The following PLEKHH2 variants were observed in gnomAD, a reference collection of about 807,000 sequenced individuals.
The protein encoded by PLEKHH2 is pleckstrin homology, MyTH4 and FERM domain containing H2.
A neutral mutation model predicts 187.9 loss-of-function variants in PLEKHH2; 129 were observed. The ratio of observed to expected loss-of-function variants is 0.69; its 90% CI spans 0.59 to 0.79. PLEKHH2 has a LOEUF of 0.79. Among genes scored for constraint, PLEKHH2 ranks in the 30% least tolerant of loss-of-function variants. The pLI is 0.00. For synonymous variants in PLEKHH2, 686 were observed against 605.6 expected (o/e 1.13, Z -1.95); for missense variants, 2,076 against 1,751.2 (o/e 1.19, Z -3.31).
chr2:43,648,019 A>G (rs1666266610), intron 2 of PLEKHH2, among the ~76,000 whole-genome samples: 1 of 152,234 alleles, frequency 6.6e-6, no homozygotes, highest in African/African-American at 2.4e-5. Context: ...GAGAATTAAC[A>G]TTAAGGCTGA....
At position 43,676,293 on chromosome 2, in the gene PLEKHH2, A is replaced by C. The variant is rs201476048; in HGVS notation, c.124-2570A>C. 1.9e-4 allele frequency: 306 copies of C among 1,611,608 alleles called. No individual in the cohort carries two copies. Among genetic ancestry groups the C allele is most frequent in the Non-Finnish European group, 2.4e-4 (285 of 1,178,980 alleles). The stretch of plus-strand genomic sequence containing the variant: ...AAATGCTCCCAAGCAACATACCCTT[A>C]AAAAATGATGTCCCACTAGCGGAAA... On this transcript the variant is annotated intron_variant, in intron 2 of 29. Transcript: ENST00000282406.
chr2:43,641,183 G>T (rs577186993), intron 1 of PLEKHH2, among the ~76,000 whole-genome samples: 1 of 151,986 alleles, frequency 6.6e-6, no homozygotes, highest in Non-Finnish European at 1.5e-5. Context: ...TGAGATACAT[G>T]ATTTGCAACT....
intron 2 of PLEKHH2, among the ~76,000 whole-genome samples, chr2:43,669,905 G>A (rs11124948): frequency 0.48 from 72,983 of 151,876 alleles, 18,162 homozygotes; most frequent in African/African-American, 0.53. Context: ...AGATAAGTAA[G>A]GAAGATACAA....
In PLEKHH2 at chr2:43,765,436, C is replaced by T. The variant is rs10495905; in HGVS notation, c.4320C>T (p.Ile1440=). The change falls in exon 30 of 30, where the codon ATC becomes ATT. Residue 1440 remains isoleucine (I), a synonymous_variant. Coordinates refer to ENST00000282406, the MANE Select transcript of PLEKHH2 (RefSeq NM_172069.4). The part of the protein sequence containing the change: ...KPKILEITLL[I]ASYINNFHQQ... ...AGATTCTTGAAATCACTCTTTTGAT[C>T]GCCAGTTACATAAACAACTTCCATC... The T allele has an allele frequency of 9.3e-6, 15 of 1,613,868 alleles. No homozygotes were observed. Among genetic ancestry groups the T allele is most frequent in the East Asian group, 2.2e-5 (1 of 44,878 alleles).
intron 14 of PLEKHH2, 135 bp from the exon 15 acceptor site, chr2:43,712,090 T>C (rs1233558401): frequency 7.5e-7 from 1 of 1,327,012 alleles, no homozygotes; most frequent in Non-Finnish European, 1.0e-6. Context: ...GAGTCATTTA[T>C]TTAGAAACTG....
At chr2:43,756,110 G>T (rs1289939799) in intron 25 of PLEKHH2, among the ~76,000 whole-genome samples, 3 of 152,052 alleles carry the variant, frequency 2.0e-5, no homozygotes, top group Non-Finnish European at 2.9e-5. Context: ...AGTATAAATT[G>T]TGGTTCCGAA....
Position 43,729,788 on chromosome 2 carries a change from A to G in PLEKHH2, c.2830+43A>G, listed in dbSNP as rs755766276. ...TAAATAAAGCTTTATGGTTAATGAA[A>G]TGGACCTCAACCCGCTTAGCCTAAT... On this transcript the variant is annotated intron_variant, in intron 18 of 29. Coordinates refer to ENST00000282406, the MANE Select transcript of PLEKHH2 (RefSeq NM_172069.4). 5 of 1,373,206 alleles carry G rather than the reference A, an allele frequency of 3.6e-6. No homozygotes were observed. In the Admixed American group the frequency reaches 9.3e-5, roughly 25 times the overall value. The allele number at this position is 1,373,206 out of a possible 1,614,324, so 85.1% of individuals were successfully genotyped here. A position where few individuals can be genotyped will look rare whatever the true frequency, so the allele number is the denominator to read the frequency against.
At chr2:43,714,860 T>C (rs1670137677) in intron 15 of PLEKHH2, among the ~76,000 whole-genome samples, 1 of 152,194 alleles carries the variant, frequency 6.6e-6, no homozygotes, top group African/African-American at 2.4e-5. Flanking sequence ...ATTATTGAGA[T>C]GTGTCAGTAA....
rs191487417 is a variant in PLEKHH2 at position 43,746,339 on chromosome 2, G to C, written c.3653+376G>C. On this transcript the variant is annotated intron_variant, in intron 24 of 29. Coordinates refer to ENST00000282406, the MANE Select transcript of PLEKHH2 (RefSeq NM_172069.4). ...TTGGGAGCCAACATGGCAAAACCCC[G>C]CCTCTACTAAAAATACAAAAAATTA... 2.9e-3 allele frequency among the ~76,000 whole-genome samples: 437 copies of C among 152,090 alleles called. 3 individuals carry two copies. The highest frequency in any genetic ancestry group is 9.9e-3 in the African/African-American group (411 of 41,498).
intron 15 of PLEKHH2, among the ~76,000 whole-genome samples, chr2:43,713,830 CTA>C (rs1670085170): frequency 6.6e-6 from 1 of 152,044 alleles, no homozygotes; most frequent in Admixed American, 6.6e-5. Flanking sequence ...TGGAAAGTAA[CTA>C]TGCTACTGTG....
intron 8 of PLEKHH2, among the ~76,000 whole-genome samples, chr2:43,701,004 A>C (rs925223333): frequency 6.6e-6 from 1 of 152,140 alleles, no homozygotes; most frequent in African/African-American, 2.4e-5. Flanking sequence ...TTTAGGATAA[A>C]ATTTCTTCTT....
chr2:43,712,464 A>G, intron 15 of PLEKHH2, 81 bp downstream of exon 15: 2 of 1,449,378 alleles, frequency 1.4e-6, no homozygotes, highest in Non-Finnish European at 1.9e-6. Context: ...ATGTCAGAGC[A>G]TATACATATA....
chr2:43,639,945 C>T (rs1448820110), intron 1 of PLEKHH2, among the ~76,000 whole-genome samples: 1 of 152,172 alleles, frequency 6.6e-6, no homozygotes, highest in Non-Finnish European at 1.5e-5. Flanking sequence ...GAGTGAGCCA[C>T]TGCACCCAGC....
chr2:43,711,816 C>T, intron 14 of PLEKHH2: 4 of 512,082 alleles, frequency 7.8e-6, no homozygotes, highest in South Asian at 6.5e-5. Flanking sequence ...ATGGTGTGAA[C>T]CCAGGAGGCG....
intron 2 of PLEKHH2, among the ~76,000 whole-genome samples, chr2:43,674,080 T>C (rs1667612182): frequency 6.6e-6 from 1 of 152,224 alleles, no homozygotes; most frequent in Non-Finnish European, 1.5e-5. Context: ...ATTTCATCAA[T>C]AATTTGTAAT....
intron 3 of PLEKHH2, chr2:43,680,755 G>A: frequency 5.1e-6 from 2 of 394,408 alleles, no homozygotes; most frequent in South Asian, 2.4e-5. Context: ...TCTATATGTG[G>A]CAGCCGTACA....
At chr2:43,655,451 A>G (rs1043665661) in intron 2 of PLEKHH2, among the ~76,000 whole-genome samples, 1 of 152,188 alleles carries the variant, frequency 6.6e-6, no homozygotes, top group African/African-American at 2.4e-5. Flanking sequence ...TTTAGAAACT[A>G]GGCATTTTCT....
intron 1 of PLEKHH2, among the ~76,000 whole-genome samples, chr2:43,643,466 A>C (rs879394855): frequency 1.8e-4 from 28 of 152,146 alleles, no homozygotes; most frequent in Non-Finnish European, 3.1e-4. Flanking sequence ...AGTACAAAAC[A>C]ATCTTCATGC....
intron 2 of PLEKHH2, chr2:43,675,484 G>A (rs770288665): frequency 6.2e-7 from 1 of 1,613,826 alleles, no homozygotes; most frequent in Non-Finnish European, 8.5e-7. Context: ...CATCTTTTGG[G>A]GGGTCAGTCC....
Sources: gnomAD v4.1 joint callset for allele counts (sites outside exome capture counted in the v4.1 genomes callset) on GRCh38, gnomAD v4.1.1 for gene constraint, MANE v1.5 for transcripts, NCBI Gene and HGNC (gene_info 2026-07-23, HGNC 2026-07-21) for gene names.